GTPBP4: variants seen among roughly 807,000 people sequenced by gnomAD.
GTPBP4 encodes the protein GTP-binding protein 4.
A neutral mutation model predicts 81.7 loss-of-function variants in GTPBP4; 15 were observed. That is an observed-to-expected ratio of 0.18 (90% CI 0.12 to 0.28). The LOEUF is 0.28. Ranked by LOEUF, GTPBP4 falls within the 10% of genes least tolerant of loss-of-function variation. GTPBP4 has a pLI of 1.00. For missense variants in GTPBP4, 847 were observed against 793.8 expected (o/e 1.07, Z -0.81); for synonymous variants, 272 against 274.6 (o/e 0.99, Z 0.09).
intron 12 of GTPBP4, among the ~76,000 whole-genome samples, chr10:1,009,888 G>A (rs1264018291): frequency 2.0e-5 from 3 of 152,196 alleles, no homozygotes; most frequent in Admixed American, 6.5e-5. Flanking sequence ...CCAGTGACAC[G>A]GGAGGCTGAG....
chr10:1,018,681 G>T lies in GTPBP4; in HGVS notation c.*1454G>T, dbSNP rs1248212518. 1 of 151,434 alleles carries T rather than the reference G, an allele frequency of 6.6e-6. No homozygotes were observed. Among genetic ancestry groups the T allele is most frequent in the Non-Finnish European group, 1.5e-5 (1 of 67,978 alleles). The allele number at this position is 151,434 out of a possible 1,614,324, so 9.4% of individuals were successfully genotyped here. A position where few individuals can be genotyped will look rare whatever the true frequency, so the allele number is the denominator to read the frequency against. On this transcript the variant is annotated 3_prime_UTR_variant, in exon 17 of 17. Transcript: ENST00000360803. ...AAATTAGCTGGGTGTGGTGGCGGGCGCCTGTAGTCCCAACTACTTGGGAGG... is the reference window on the plus strand; with the variant it reads ...AAATTAGCTGGGTGTGGTGGCGGGCTCCTGTAGTCCCAACTACTTGGGAGG...
chr10:992,704 T>C (rs755188424), intron 2 of GTPBP4, 45 bp downstream of exon 2: 105 of 1,191,424 alleles, frequency 8.8e-5, no homozygotes, highest in Non-Finnish European at 1.2e-4. Flanking sequence ...ATACGGGCTT[T>C]CAGAGAACCA....
intron 1 of GTPBP4, 77 bp from the exon 2 acceptor site, chr10:992,412 A>G: frequency 1.0e-6 from 1 of 959,340 alleles, no homozygotes; most frequent in South Asian, 1.5e-5. Flanking sequence ...AAAAAAAAAA[A>G]AAAAGGAAGG....
At chr10:989,510 C>T (rs1054279761) in intron 1 of GTPBP4, among the ~76,000 whole-genome samples, 1 of 152,190 alleles carries the variant, frequency 6.6e-6, no homozygotes, top group African/African-American at 2.4e-5. Context: ...TGGAGCCTCC[C>T]AGGGACTCCT....
In GTPBP4 at chr10:988,488, T is replaced by C; in HGVS notation, c.9T>C (p.His3=). MA[H]YNFKKITVVP... is the part of the protein sequence containing the mutation. ...TGCATACGGCTGCCGGCATGGCACATTACAACTTCAAGAAAATTACGGTGG... is the reference window on the plus strand; with the variant it reads ...TGCATACGGCTGCCGGCATGGCACACTACAACTTCAAGAAAATTACGGTGG... The change falls in exon 1 of 17, where the codon CAT becomes CAC. Residue 3 remains histidine, a synonymous_variant. Coordinates refer to ENST00000360803, the MANE Select transcript of GTPBP4 (RefSeq NM_012341.3). 1.2e-6 allele frequency: 2 copies of C among 1,613,322 alleles called. No homozygotes were observed. Among genetic ancestry groups the C allele is most frequent in the Non-Finnish European group, 1.7e-6 (2 of 1,179,690 alleles).
At chr10:991,158 C>T (rs2132153614) in intron 1 of GTPBP4, among the ~76,000 whole-genome samples, 1 of 152,184 alleles carries the variant, frequency 6.6e-6, no homozygotes, top group South Asian at 2.1e-4. Flanking sequence ...CCTCATAGTA[C>T]AATACTTGGC....
At chr10:989,817 G>GC (rs1311641922) in intron 1 of GTPBP4, among the ~76,000 whole-genome samples, 2 of 152,068 alleles carry the variant, frequency 1.3e-5, no homozygotes, top group African/African-American at 4.8e-5. Flanking sequence ...CCTGACTGCA[G>GC]CCACCGCCTC....
intron 2 of GTPBP4, among the ~76,000 whole-genome samples, chr10:994,559 C>T (rs900432954): frequency 3.9e-5 from 6 of 152,236 alleles, no homozygotes; most frequent in Admixed American, 2.6e-4. Flanking sequence ...ACATAAGCCA[C>T]AGTGCCTGGC....
Position 1,010,395 on chromosome 10 carries a change from G to A in GTPBP4, c.1244-25G>A, listed in dbSNP as rs148812352. Reference sequence around the variant, plus strand: ...GAAGATATTAAAAACTGCTGTAAACGTAACCACCTTTTTTTTAACTTTAGA... The same window carrying A: ...GAAGATATTAAAAACTGCTGTAAACATAACCACCTTTTTTTTAACTTTAGA... On this transcript the variant is annotated intron_variant, in intron 12 of 16. Transcript: ENST00000360803. 3.6e-4 allele frequency: 450 copies of A among 1,246,690 alleles called. 2 individuals are homozygous for A. In the African/African-American group the frequency reaches 5.4e-3, roughly 15 times the overall value. The allele number at this position is 1,246,690 out of a possible 1,614,324, so 77.2% of individuals were successfully genotyped here.
In GTPBP4 at chr10:997,393, G is replaced by A; in HGVS notation, c.561+85G>A. ...ATTCTGGCGGCGTGGGATTCAGGAT[G>A]GCCTTGTAGGTCAGTGTTAACTGTA... On this transcript the variant is annotated intron_variant, in intron 5 of 16. Coordinates refer to ENST00000360803, the MANE Select transcript of GTPBP4 (RefSeq NM_012341.3). The A allele has an allele frequency of 3.7e-6, 3 of 813,512 alleles. No individual in the cohort carries two copies. The East Asian group carries it at 7.3e-5, about 20-fold the overall frequency. 50.4% of individuals were successfully genotyped at this position (813,512 alleles called of 1,614,324 possible). A position where few individuals can be genotyped will look rare whatever the true frequency, so the allele number is the denominator to read the frequency against.
chr10:1,012,183 TG>T (rs1220385887), intron 13 of GTPBP4, among the ~76,000 whole-genome samples: 1 of 152,244 alleles, frequency 6.6e-6, no homozygotes, highest in Non-Finnish European at 1.5e-5. Flanking sequence ...AGGCGGTCTC[TG>T]CACATTTTTA....
At chr10:992,450 C>G in intron 1 of GTPBP4, 39 bp from the exon 2 acceptor site, 1 of 1,270,006 alleles carries the variant, frequency 7.9e-7, no homozygotes, top group Non-Finnish European at 1.1e-6. Flanking sequence ...AAAAGTAGAC[C>G]CTTTTGATGT....
At chr10:1,011,108 C>CCCTGTATCT (rs1831859677) in intron 13 of GTPBP4, among the ~76,000 whole-genome samples, 1 of 74,558 alleles carries the variant, frequency 1.3e-5, no homozygotes, top group Non-Finnish European at 3.1e-5. Context: ...CCTCTTCCCC[C>CCCTGTATCT]CACCCCGAGA....
At chr10:1,008,428 C>A (rs1244322939) in intron 10 of GTPBP4, 2 of 339,254 alleles carry the variant, frequency 5.9e-6, no homozygotes, top group Non-Finnish European at 1.2e-5. Context: ...ATCTTTTATA[C>A]TAGCATTAAA....
intron 4 of GTPBP4, 80 bp from the exon 5 acceptor site, chr10:997,128 C>G (rs1228309721): frequency 2.3e-6 from 2 of 866,878 alleles, no homozygotes; most frequent in Non-Finnish European, 3.9e-6. Context: ...TAGGCCTGGA[C>G]TGTAACTAAG....
chr10:1,010,037 A>G (rs559853392), intron 12 of GTPBP4, among the ~76,000 whole-genome samples: 58 of 151,798 alleles, frequency 3.8e-4, no homozygotes, highest in African/African-American at 1.4e-3. Flanking sequence ...GGGTTCTTCC[A>G]TTGTTTCCTG....
At chr10:988,653 C>T (rs1463140407) in intron 1 of GTPBP4, 126 bp downstream of exon 1, 6 of 705,930 alleles carry the variant, frequency 8.5e-6, no homozygotes, top group Admixed American at 6.9e-5. Context: ...GCTCCTGGGC[C>T]TGACCGTCTG....
intron 1 of GTPBP4, among the ~76,000 whole-genome samples, chr10:989,965 A>C (rs1831413814): frequency 6.6e-6 from 1 of 152,084 alleles, no homozygotes; most frequent in Admixed American, 6.5e-5. Flanking sequence ...TTGAACTCCT[A>C]ATCTCAAGTG....
At position 1,017,101 on chromosome 10, in the gene GTPBP4, G is replaced by A. The variant is rs750050044; in HGVS notation, c.1779G>A (p.Met593Ile). 38 of 1,613,728 alleles carry A rather than the reference G, an allele frequency of 2.4e-5. No individual in the cohort carries two copies. The highest frequency in any genetic ancestry group is 1.3e-4 in the Admixed American group (8 of 59,980). ...TGGTGAAGAAAGCCAAGACTATGAT[G>A]AAGAATGCTCAGAAGAAGATGAATC... ...VKMVKKAKTM[M>I]KNAQKKMNRL... is the part of the protein sequence containing the mutation. Residue 593 changes from methionine to isoleucine, a missense_variant, in exon 17 of 17, where the codon ATG becomes ATA. This residue lies in a region of GTPBP4 where 600 missense variants were observed against 557.1 expected (regional missense o/e 1.08). Coordinates refer to ENST00000360803, the MANE Select transcript of GTPBP4 (RefSeq NM_012341.3).
Sources: allele counts gnomAD v4.1 joint callset (sites outside exome capture counted in the v4.1 genomes callset), GRCh38; gene constraint gnomAD v4.1.1; regional missense constraint gnomAD v4.1.1; transcripts MANE v1.5; gene names NCBI Gene and HGNC (gene_info 2026-07-23, HGNC 2026-07-21).